GRK3: variants seen among roughly 807,000 people sequenced by gnomAD.
GRK3 encodes the protein G protein-coupled receptor kinase 3.
In GRK3, 54 loss-of-function variants were observed where a neutral mutation model predicts 95.7. That is an observed-to-expected ratio of 0.56 (90% CI 0.45 to 0.71). The LOEUF (loss-of-function observed/expected upper bound fraction) is 0.71, where lower values mean the gene tolerates loss of function less well. Ranked by LOEUF, GRK3 falls within the 30% of genes least tolerant of loss-of-function variation. GRK3 has a pLI of 0.00. For missense variants in GRK3, 649 were observed against 851.2 expected (o/e 0.76, Z 2.96); for synonymous variants, 281 against 290.8 (o/e 0.97, Z 0.34).
At chr22:25,626,512 G>A (rs1021027434) in intron 2 of GRK3, among the ~76,000 whole-genome samples, 3 of 152,056 alleles carry the variant, frequency 2.0e-5, no homozygotes, top group Non-Finnish European at 4.4e-5. Context: ...TAAGGCACTG[G>A]GTGTTACTCC....
In GRK3 at chr22:25,676,613, C is replaced by T. The variant is rs143839425; in HGVS notation, c.647+2085C>T. ...GGCTGAGGCAGGAGAATTGCTTGAA[C>T]CCGGGAGGTGGAAGTTGCAGTGAAC... On this transcript the variant is annotated intron_variant, in intron 8 of 20. Coordinates refer to ENST00000324198, the MANE Select transcript of GRK3 (RefSeq NM_005160.4). 3.8e-3 allele frequency among the ~76,000 whole-genome samples: 582 copies of T among 151,920 alleles called. 6 individuals are homozygous for T. The highest frequency in any genetic ancestry group is 0.013 in the African/African-American group (537 of 41,368).
At chr22:25,696,607 A>C (rs2146446073) in intron 13 of GRK3, among the ~76,000 whole-genome samples, 1 of 152,334 alleles carries the variant, frequency 6.6e-6, no homozygotes, top group African/African-American at 2.4e-5. Context: ...ATATGAACAC[A>C]GTCCCGATAG....
intron 10 of GRK3, among the ~76,000 whole-genome samples, chr22:25,685,800 A>G (rs1030185567): frequency 3.3e-5 from 5 of 152,076 alleles, no homozygotes; most frequent in Non-Finnish European, 2.9e-5. Flanking sequence ...GTGTCATGGT[A>G]TATATCTAAA....
intron 1 of GRK3, among the ~76,000 whole-genome samples, chr22:25,579,313 A>T (rs995781396): frequency 1.1e-4 from 16 of 143,994 alleles, no homozygotes; most frequent in Admixed American, 9.0e-4. Context: ...TGCCTGGCTA[A>T]TTTTTTTTTT....
chr22:25,691,602 G>A (rs779941665), intron 12 of GRK3, among the ~76,000 whole-genome samples: 2 of 152,196 alleles, frequency 1.3e-5, no homozygotes, highest in Non-Finnish European at 2.9e-5. Flanking sequence ...CGTCTCTCAG[G>A]GAGTTCATCA....
intron 3 of GRK3, chr22:25,647,433 C>A: frequency 7.6e-7 from 1 of 1,311,654 alleles, no homozygotes; most frequent in Non-Finnish European, 1.1e-6. Context: ...TCTTTCCATT[C>A]CATTATACCA....
rs187027464 is a variant in GRK3 at position 25,688,718 on chromosome 22, T to C, written c.957+1051T>C. ...GCGGTGCTTGGTCCTGGGTTTTACA[T>C]GTGGGAAGGAGGTAGAAGCTGGCTC... On this transcript the variant is annotated intron_variant, in intron 11 of 20. Transcript: ENST00000324198. Among the ~76,000 whole-genome samples, 356 of 152,304 alleles carry C rather than the reference T, an allele frequency of 2.3e-3. 4 individuals are homozygous for C. The Middle Eastern group carries it at 0.031, about 13-fold the overall frequency.
Position 25,728,409 on chromosome 22 carries a change from T to G in GRK3, c.*5959T>G, listed in dbSNP as rs1035708940. ...TTTCTGTAAGACTTTGCAGTGTCATTCCCTCAGAACCTAGGTTTGTTTCTA... is the reference window on the plus strand; with the variant it reads ...TTTCTGTAAGACTTTGCAGTGTCATGCCCTCAGAACCTAGGTTTGTTTCTA... On this transcript the variant is annotated 3_prime_UTR_variant, in exon 21 of 21. Transcript: ENST00000324198. 2 of 152,242 alleles carry G rather than the reference T, an allele frequency of 1.3e-5. No homozygotes were observed. Among genetic ancestry groups the G allele is most frequent in the African/African-American group, 4.8e-5 (2 of 41,460 alleles). 9.4% of individuals were successfully genotyped at this position (152,242 alleles called of 1,614,324 possible).
At chr22:25,647,932 G>A (rs2084797930) in intron 3 of GRK3, 2 of 512,236 alleles carry the variant, frequency 3.9e-6, no homozygotes, top group East Asian at 4.0e-5. Flanking sequence ...CCAACATGGT[G>A]AAACCCCATC....
chr22:25,711,089 C>T lies in GRK3; in HGVS notation c.1417C>T (p.Pro473Ser). 3 of 1,613,334 alleles carry T rather than the reference C, an allele frequency of 1.9e-6. No individual in the cohort carries two copies. Among genetic ancestry groups the T allele is most frequent in the Non-Finnish European group, 2.5e-6 (3 of 1,179,574 alleles). Residue 473 changes from proline to serine, a missense_variant, in exon 17 of 21, where the codon CCC becomes TCC. Physicochemically the swap from Pro to Ser is moderately conservative, Grantham distance 74. Around this residue, in one of 3 missense-constraint regions of GRK3, gnomAD observed 382 missense variants for 493.8 expected, o/e 0.77. Coordinates refer to ENST00000324198, the MANE Select transcript of GRK3 (RefSeq NM_005160.4). The part of the protein sequence containing the change: ...LQKYPPPLIP[P>S]RGEVNAADAF... ...CCAGTACCCACCACCCTTGATTCCT[C>T]CCCGGGGAGAAGTCAATGCTGCTGA...
chr22:25,679,758 G>A (rs1026166956), intron 9 of GRK3, among the ~76,000 whole-genome samples: 2 of 152,182 alleles, frequency 1.3e-5, no homozygotes, highest in African/African-American at 2.4e-5. Flanking sequence ...TGGGGTGAGC[G>A]TGGAGGGGCC....
At chr22:25,565,192 GC>G (rs1221101696) in intron 1 of GRK3, 39 bp downstream of exon 1, 5 of 1,138,704 alleles carry the variant, frequency 4.4e-6, no homozygotes, top group East Asian at 3.3e-5. Context: ...CCAAGCCGCC[GC>G]CCCCTGCGGC....
At chr22:25,587,020 G>T (rs1374636407) in intron 1 of GRK3, among the ~76,000 whole-genome samples, 1 of 152,030 alleles carries the variant, frequency 6.6e-6, no homozygotes, top group Non-Finnish European at 1.5e-5. Flanking sequence ...GAGTAGCTGG[G>T]ATTACAGGTG....
chr22:25,709,051 T>A (rs1026814768), intron 15 of GRK3, among the ~76,000 whole-genome samples: 11 of 151,484 alleles, frequency 7.3e-5, no homozygotes, highest in Admixed American at 3.3e-4. Context: ...TTTTATTTTT[T>A]TTTTGAGATG....
intron 19 of GRK3, among the ~76,000 whole-genome samples, chr22:25,720,744 G>T (rs1038426021): frequency 6.6e-6 from 1 of 151,852 alleles, no homozygotes; most frequent in African/African-American, 2.4e-5. Context: ...CAAAGTGCTG[G>T]GATTACAGGC....
intron 2 of GRK3, among the ~76,000 whole-genome samples, chr22:25,628,213 G>A (rs1245936059): frequency 6.6e-6 from 1 of 152,232 alleles, no homozygotes; most frequent in East Asian, 1.9e-4. Context: ...TGGTATGGCA[G>A]TGGGTTTCAA....
rs549516327 is a variant in GRK3, at chr22:25,565,342, G to A, written c.113+189G>A. Among the ~76,000 whole-genome samples, 53 of 152,266 alleles carry A rather than the reference G, an allele frequency of 3.5e-4. No individual in the cohort carries two copies. The Middle Eastern group carries it at 0.014, about 39-fold the overall frequency. On this transcript the variant is annotated intron_variant, in intron 1 of 20. Coordinates refer to ENST00000324198, the MANE Select transcript of GRK3 (RefSeq NM_005160.4). ...AATGGGGCATCGGAGGGCCGGTGGGGGGCACCCCGGGAGAGAGCGCTCCAA... is the reference window on the plus strand; with the variant it reads ...AATGGGGCATCGGAGGGCCGGTGGGAGGCACCCCGGGAGAGAGCGCTCCAA...
intron 9 of GRK3, among the ~76,000 whole-genome samples, chr22:25,683,845 C>T (rs1273026147): frequency 6.6e-6 from 1 of 152,020 alleles, no homozygotes; most frequent in African/African-American, 2.4e-5. Context: ...TTAATGGTAT[C>T]CTCTGATGAA....
At chr22:25,627,701 C>T (rs2084637726) in intron 2 of GRK3, among the ~76,000 whole-genome samples, 1 of 152,190 alleles carries the variant, frequency 6.6e-6, no homozygotes, top group African/African-American at 2.4e-5. Context: ...CTCTTGTAGC[C>T]CACAGCCTAG....
Sources: allele counts gnomAD v4.1 joint callset (sites outside exome capture counted in the v4.1 genomes callset), GRCh38; gene constraint gnomAD v4.1.1; regional missense constraint gnomAD v4.1.1; transcripts MANE v1.5; gene names NCBI Gene and HGNC (gene_info 2026-07-23, HGNC 2026-07-21).